Variants in CECR2 observed in about 807,000 individuals in gnomAD.
CECR2 encodes the protein CECR2 histone acetyl-lysine reader, also known as chromatin remodeling regulator CECR2.
Under a neutral mutation model 154.5 loss-of-function variants are expected in CECR2, and 30 were observed. The observed-to-expected ratio is 0.19, with a 90% confidence interval of 0.15 to 0.26. The LOEUF (loss-of-function observed/expected upper bound fraction) is 0.26. CECR2 is among the 10% of genes least tolerant of loss of function. The pLI, the probability that CECR2 is intolerant of heterozygous loss-of-function variation, is 1.00. For synonymous variants in CECR2, 725 were observed against 683.7 expected, an observed-to-expected ratio of 1.06 and a Z score of -0.94; for missense variants, 1,743 against 1,829.3, an observed-to-expected ratio of 0.95 and a Z score of 0.86.
At position 17,556,065 on chromosome 22, in the gene CECR2, T is replaced by C. The variant is rs936845875; in HGVS notation, c.*3225T>C. 6.6e-6 allele frequency: 1 copy of C among 152,206 alleles called. No individual in the cohort carries two copies. Among genetic ancestry groups the C allele is most frequent in the African/African-American group, 2.4e-5 (1 of 41,452 alleles). The allele number at this position is 152,206 out of a possible 1,614,324, so 9.4% of individuals were successfully genotyped here. On this transcript the variant is annotated 3_prime_UTR_variant, in exon 19 of 19. Transcript: ENST00000262608. ...AGCAGGAGCTATTGGCTGAAATTTG[T>C]TACAGTGAATGAATGTGGAGAATAA...
At chr22:17,430,142 T>G (rs2054398875) in intron 1 of CECR2, among the ~76,000 whole-genome samples, 1 of 152,206 alleles carries the variant, frequency 6.6e-6, no homozygotes. Context: ...CTGTATTCAG[T>G]GATGTCTGGC....
At chr22:17,469,897 AGGTTACT>A (rs1205144818) in intron 1 of CECR2, among the ~76,000 whole-genome samples, 1 of 152,112 alleles carries the variant, frequency 6.6e-6, no homozygotes, top group East Asian at 1.9e-4. Context: ...TGCATGGAAA[AGGTTACT>A]GGTTTTTTGC....
chr22:17,471,364 T>A (rs1306103896), intron 1 of CECR2, among the ~76,000 whole-genome samples: 3 of 152,170 alleles, frequency 2.0e-5, no homozygotes, highest in Admixed American at 6.6e-5. Context: ...ATTGTTCTAG[T>A]CACCTAGGAA....
At chr22:17,431,642 T>A (rs1445808007) in intron 1 of CECR2, among the ~76,000 whole-genome samples, 1 of 152,186 alleles carries the variant, frequency 6.6e-6, no homozygotes, top group Non-Finnish European at 1.5e-5. Flanking sequence ...AAAACTATAT[T>A]TATATTTTGA....
upstream of CECR2, chr22:17,369,455 G>A (rs1168721553): frequency 6.6e-6 from 1 of 150,754 alleles, no homozygotes; most frequent in Non-Finnish European, 1.5e-5. Context: ...TCCGCCCCTA[G>A]CCCCATCTGT....
intron 2 of CECR2, among the ~76,000 whole-genome samples, chr22:17,490,371 T>C (rs969073871): frequency 2.0e-5 from 3 of 152,128 alleles, no homozygotes. Flanking sequence ...CTCATATTAA[T>C]CCTCAGCTTT....
intron 1 of CECR2, among the ~76,000 whole-genome samples, chr22:17,453,093 A>C (rs1601383975): frequency 6.6e-6 from 1 of 152,204 alleles, no homozygotes; most frequent in Non-Finnish European, 1.5e-5. Flanking sequence ...GTATGAATGA[A>C]TATACCATAA....
At chr22:17,434,763 T>TA (rs1051210279) in intron 1 of CECR2, among the ~76,000 whole-genome samples, 4 of 152,122 alleles carry the variant, frequency 2.6e-5, no homozygotes, top group Admixed American at 2.6e-4. Context: ...TACCTTTACC[T>TA]ACTGCTGTTC....
At position 17,488,006 on chromosome 22, in the gene CECR2, C is replaced by G. The variant is rs142073558; in HGVS notation, c.222-9397C>G. On this transcript the variant is annotated intron_variant, in intron 2 of 18. Transcript: ENST00000262608. ...CAAATGATTCTTCTGCCTCTGCCTC[C>G]CAAGTAGCTGGGATTAAGGCACCCA... Among the ~76,000 whole-genome samples the G allele has an allele frequency of 3.5e-3, 540 of 152,158 alleles. 4 individuals carry two copies. Among genetic ancestry groups the G allele is most frequent in the Non-Finnish European group, 4.9e-3 (333 of 68,014 alleles).
Position 17,540,753 on chromosome 22 carries a change from C to G in CECR2, c.1837C>G (p.Leu613Val), listed in dbSNP as rs2056510798. The G allele has an allele frequency of 6.2e-7, 1 of 1,606,480 alleles. No individual in the cohort carries two copies. Among genetic ancestry groups the G allele is most frequent in the African/African-American group, 1.3e-5 (1 of 74,876 alleles). Residue 613 changes from leucine to valine, a missense_variant, in exon 14 of 19, where the codon CTG becomes GTG. Physicochemically the swap from Leu to Val is conservative, Grantham distance 32. This residue lies in a region of CECR2 where 1,250 missense variants were observed against 1,192.1 expected (regional missense o/e 1.05). Coordinates refer to ENST00000262608, the MANE Select transcript of CECR2 (RefSeq NM_001290047.2). ...CAATGGCCGAGGTTTTTCTCATCCCCTGCATTGTGGTGGGACACCCAGCCA... is the reference window on the plus strand; with the variant it reads ...CAATGGCCGAGGTTTTTCTCATCCCGTGCATTGTGGTGGGACACCCAGCCA... ...TSNGRGFSHP[L>V]HCGGTPSQAP...
intron 9 of CECR2, among the ~76,000 whole-genome samples, chr22:17,526,542 G>A (rs541518046): frequency 6.6e-6 from 1 of 152,248 alleles, no homozygotes; most frequent in South Asian, 2.1e-4. Flanking sequence ...CGGGCGTGAC[G>A]ACTTATGCCT....
At chr22:17,388,834 G>A (rs980624793) in intron 1 of CECR2, among the ~76,000 whole-genome samples, 1 of 151,246 alleles carries the variant, frequency 6.6e-6, no homozygotes, top group African/African-American at 2.4e-5. Flanking sequence ...TTTTTTTTGA[G>A]GTGGAGTCTC....
intron 1 of CECR2, among the ~76,000 whole-genome samples, chr22:17,453,276 T>G (rs1042809690): frequency 2.6e-5 from 4 of 152,100 alleles, no homozygotes; most frequent in African/African-American, 9.7e-5. Flanking sequence ...ACCCCGTCTC[T>G]GCTAAAAATA....
At chr22:17,448,047 A>G (rs376775722) in intron 1 of CECR2, among the ~76,000 whole-genome samples, 16 of 152,302 alleles carry the variant, frequency 1.1e-4, no homozygotes, top group African/African-American at 3.9e-4. Flanking sequence ...ATGGATTTAC[A>G]CTATTTTTAA....
At chr22:17,390,054 T>C (rs2063310269) in intron 1 of CECR2, among the ~76,000 whole-genome samples, 1 of 152,174 alleles carries the variant, frequency 6.6e-6, no homozygotes, top group Non-Finnish European at 1.5e-5. Flanking sequence ...TTGTACATTA[T>C]TTTTATGAAT....
At chr22:17,412,272 G>A (rs970585002) in intron 1 of CECR2, among the ~76,000 whole-genome samples, 1 of 152,072 alleles carries the variant, frequency 6.6e-6, no homozygotes, top group Non-Finnish European at 1.5e-5. Context: ...AGTCTGGTTC[G>A]CAAAATACAG....
At chr22:17,440,802 A>G (rs145782405) in intron 1 of CECR2, among the ~76,000 whole-genome samples, 24 of 152,304 alleles carry the variant, frequency 1.6e-4, no homozygotes, top group African/African-American at 4.1e-4. Flanking sequence ...TGATTATACA[A>G]TCATTACAGA....
At chr22:17,383,479 C>G (rs1018459527) in intron 1 of CECR2, among the ~76,000 whole-genome samples, 9 of 152,092 alleles carry the variant, frequency 5.9e-5, no homozygotes, top group African/African-American at 1.4e-4. Flanking sequence ...ATGTTGACAG[C>G]ATCTTCACCA....
At chr22:17,365,095 G>A (rs183108381), upstream of CECR2, among the ~76,000 whole-genome samples, 12 of 152,054 alleles carry the variant, frequency 7.9e-5, no homozygotes, top group East Asian at 5.9e-4. Flanking sequence ...GTGGTGGTGC[G>A]TGCCTGTAAA....
Sources: gnomAD v4.1 joint callset for allele counts (sites outside exome capture counted in the v4.1 genomes callset) on GRCh38, gnomAD v4.1.1 for gene constraint, gnomAD v4.1.1 regional missense constraint, MANE v1.5 for transcripts, NCBI Gene and HGNC (gene_info 2026-07-23, HGNC 2026-07-21) for gene names.